Variants in CHRM2 observed in about 807,000 individuals in gnomAD.
The protein encoded by CHRM2 is cholinergic receptor muscarinic 2.
A neutral mutation model predicts 25.0 loss-of-function variants in CHRM2; 8 were observed. The observed-to-expected ratio is 0.32, with a 90% confidence interval of 0.19 to 0.58. The LOEUF (loss-of-function observed/expected upper bound fraction) is 0.58, where lower values mean the gene tolerates loss of function less well. Ranked by LOEUF, CHRM2 falls within the 20% of genes least tolerant of loss-of-function variation. The pLI is 0.88. For synonymous variants in CHRM2, 202 were observed against 205.7 expected, an observed-to-expected ratio of 0.98 and a Z score of 0.15; for missense variants, 440 against 567.1, an observed-to-expected ratio of 0.78 and a Z score of 2.28.
chr7:136,987,379 C>G (rs1178519354), intron 2 of CHRM2, among the ~76,000 whole-genome samples: 1 of 152,180 alleles, frequency 6.6e-6, no homozygotes, highest in East Asian at 1.9e-4. Flanking sequence ...GGGGCTTATC[C>G]ACTGTTTTCT....
intron 2 of CHRM2, among the ~76,000 whole-genome samples, chr7:136,968,087 T>C (rs1801526918): frequency 6.6e-6 from 1 of 152,084 alleles, no homozygotes; most frequent in Admixed American, 6.6e-5. Context: ...TTATGTCATA[T>C]ACAATGTGTT....
At chr7:136,871,526 G>C (rs2130448624) in intron 2 of CHRM2, 1 of 152,858 alleles carries the variant, frequency 6.5e-6, no homozygotes, top group East Asian at 1.9e-4. Flanking sequence ...AAGGAACTCG[G>C]GATTGTGCGG....
chr7:136,903,903 A>G (rs1213829005), intron 2 of CHRM2, among the ~76,000 whole-genome samples: 1 of 151,720 alleles, frequency 6.6e-6, no homozygotes, highest in African/African-American at 2.4e-5. Context: ...CTTGTATTGG[A>G]ATTATCATAT....
At chr7:136,879,509 G>A (rs1248684591) in intron 2 of CHRM2, among the ~76,000 whole-genome samples, 1 of 151,698 alleles carries the variant, frequency 6.6e-6, no homozygotes, top group Non-Finnish European at 1.5e-5. Flanking sequence ...CTGTCTATTG[G>A]GAAATGATAA....
At chr7:136,935,663 A>G (rs2130796503) in intron 2 of CHRM2, among the ~76,000 whole-genome samples, 1 of 152,250 alleles carries the variant, frequency 6.6e-6, no homozygotes, top group Non-Finnish European at 1.5e-5. Flanking sequence ...ATTACACTGG[A>G]GGCACGGAGA....
chr7:136,977,739 T>G (rs1447041311), intron 2 of CHRM2, among the ~76,000 whole-genome samples: 1 of 152,210 alleles, frequency 6.6e-6, no homozygotes, highest in Non-Finnish European at 1.5e-5. Flanking sequence ...ATCATTGGTT[T>G]AATTTGTTCC....
At chr7:136,930,963 C>A (rs1226484244) in intron 2 of CHRM2, among the ~76,000 whole-genome samples, 2 of 144,574 alleles carry the variant, frequency 1.4e-5, no homozygotes, top group African/African-American at 5.0e-5. Context: ...TACCTCTTTG[C>A]TCTATCTGTA....
At chr7:136,974,121 T>A (rs991000973) in intron 2 of CHRM2, among the ~76,000 whole-genome samples, 3 of 152,170 alleles carry the variant, frequency 2.0e-5, no homozygotes, top group Non-Finnish European at 4.4e-5. Context: ...TCTTATGATT[T>A]ATGTCACCTG....
At chr7:136,933,261 C>G (rs187609028) in intron 2 of CHRM2, among the ~76,000 whole-genome samples, 1 of 151,976 alleles carries the variant, frequency 6.6e-6, no homozygotes, top group African/African-American at 2.4e-5. Context: ...GGCAAATGAT[C>G]GGAACAGACA....
rs770334609 is a variant in CHRM2 at position 137,015,325 on chromosome 7, C to G, written c.460C>G (p.Leu154Val). Residue 154 changes from leucine to valine, a missense_variant, in exon 4 of 4, where the codon CTC becomes GTC. Transcript: ENST00000680005. This position sits in a 1 kb window ranked among gnomAD's most constrained non-coding sequence, Gnocchi z 5.1. ...IAAAWVLSFI[L>V]WAPAILFWQF... ...AGCTGCCTGGGTCCTCTCTTTCATC[C>G]TCTGGGCTCCAGCCATTCTCTTCTG... 2 of 1,613,436 alleles carry G rather than the reference C, an allele frequency of 1.2e-6. No individual in the cohort carries two copies. The highest frequency in any genetic ancestry group is 1.7e-6 in the Non-Finnish European group (2 of 1,179,638).
chr7:136,905,307 C>T (rs1797471924), intron 2 of CHRM2, among the ~76,000 whole-genome samples: 1 of 151,736 alleles, frequency 6.6e-6, no homozygotes, highest in African/African-American at 2.4e-5. Flanking sequence ...CACACATGCA[C>T]ACAAAATGCA....
At chr7:136,904,487 C>T (rs1367769893) in intron 2 of CHRM2, among the ~76,000 whole-genome samples, 2 of 151,576 alleles carry the variant, frequency 1.3e-5, no homozygotes, top group Non-Finnish European at 2.9e-5. Context: ...TTTATCTTTC[C>T]TTTCTTTTTC....
At chr7:137,010,765 T>C (rs1804751064) in intron 3 of CHRM2, among the ~76,000 whole-genome samples, 1 of 152,022 alleles carries the variant, frequency 6.6e-6, no homozygotes, top group African/African-American at 2.4e-5. Flanking sequence ...TACATAAATT[T>C]ATTGTGTTCT....
At chr7:137,000,425 C>T (rs527609972) in intron 3 of CHRM2, among the ~76,000 whole-genome samples, 1 of 150,938 alleles carries the variant, frequency 6.6e-6, no homozygotes, top group Admixed American at 6.6e-5. Context: ...GTCTCATACT[C>T]CTGACCTCAG....
rs780148176 is a variant in CHRM2 at position 137,000,547 on chromosome 7, AGAAGGAAGGAAG to A, written c.-47+8317_-47+8328del. Among the ~76,000 whole-genome samples, 374 of 95,210 alleles carry A rather than the reference AGAAGGAAGGAAG, an allele frequency of 3.9e-3. 1 individual carries two copies. The highest frequency in any genetic ancestry group is 3.5e-3 in the Non-Finnish European group (153 of 43,774). The allele number at this position is 95,210 out of a possible 152,430, so 62.5% of individuals were successfully genotyped here. On this transcript the variant is annotated intron_variant, in intron 3 of 3. Coordinates refer to ENST00000680005, the MANE Select transcript of CHRM2 (RefSeq NM_001006630.2). ...AAAAAGAAAGAAAGAAAAGAAAGAA[AGAAGGAAGGAAG>A]GAAGGAAGGAAGGAAGGAAGGAAGG...
intron 2 of CHRM2, chr7:136,903,004 T>C (rs1797314840): frequency 2.2e-6 from 1 of 447,928 alleles, no homozygotes; most frequent in South Asian, 1.7e-5. Context: ...GTCTGGAAAG[T>C]ATACATTATG....
At chr7:136,932,460 G>A (rs1799163295) in intron 2 of CHRM2, among the ~76,000 whole-genome samples, 1 of 152,124 alleles carries the variant, frequency 6.6e-6, no homozygotes, top group South Asian at 2.1e-4. Context: ...TAGTCAGACA[G>A]AATAAAACCT....
chr7:136,995,976 GAT>G (rs2131039174), intron 3 of CHRM2, among the ~76,000 whole-genome samples: 1 of 151,824 alleles, frequency 6.6e-6, no homozygotes, highest in South Asian at 2.1e-4. Flanking sequence ...AGAATAGACA[GAT>G]AAAGCAATGG....
chr7:136,953,567 A>C (rs1800540993), intron 2 of CHRM2, among the ~76,000 whole-genome samples: 1 of 152,172 alleles, frequency 6.6e-6, no homozygotes, highest in Non-Finnish European at 1.5e-5. Flanking sequence ...CTCATTCAAC[A>C]AACATTCACT....
Sources: gnomAD v4.1 joint callset for allele counts (sites outside exome capture counted in the v4.1 genomes callset) on GRCh38, gnomAD v4.1.1 for gene constraint, Gnocchi (gnomAD v3.1) non-coding constraint, MANE v1.5 for transcripts, NCBI Gene and HGNC (gene_info 2026-07-23, HGNC 2026-07-21) for gene names.